The following ARHGEF33 variants were observed in gnomAD, a reference collection of about 807,000 sequenced individuals.
ARHGEF33 encodes the protein DH and coiled-coil domain-containing protein ENSP00000381780.
In ARHGEF33, 72 loss-of-function variants were observed where a neutral mutation model predicts 101.9. The observed-to-expected ratio is 0.71, with a 90% CI of 0.58 to 0.86. ARHGEF33 has a LOEUF of 0.86. Among genes scored for constraint, ARHGEF33 ranks in the 40% least tolerant of loss-of-function variants. ARHGEF33 has a pLI of 0.00. For synonymous variants in ARHGEF33, 499 were observed against 442.5 expected (o/e 1.13, Z -1.60); for missense variants, 1,169 against 1,111.3 (o/e 1.05, Z -0.74).
intron 17 of ARHGEF33, chr2:38,969,551 A>T (rs545591041): frequency 5.9e-6 from 1 of 169,368 alleles, no homozygotes; most frequent in South Asian, 2.0e-4. Context: ...ACAAGGATTC[A>T]AAAGGGAGAG....
chr2:38,954,376 G>T lies in ARHGEF33; in HGVS notation c.1141G>T (p.Asp381Tyr). ...LVHVVVLKEGDEEIKSDIYTL... is the reference protein window; with the variant it reads ...LVHVVVLKEGYEEIKSDIYTL... ...ACTTGACCTTTCTTTCATTCAGGGT[G>T]ATGAAGAGATTAAATCTGACATCTA... The change falls in exon 13 of 18, where the codon GAT (aspartate) becomes TAT (tyrosine). Residue 381 changes from aspartate to tyrosine, a missense_variant. Asp to Tyr is a radical substitution (Grantham distance 160). Coordinates refer to ENST00000409978, the MANE Select transcript of ARHGEF33 (RefSeq NM_001145451.5). 6.5e-7 allele frequency: 1 copy of T among 1,539,650 alleles called. No homozygotes were observed. Among genetic ancestry groups the T allele is most frequent in the South Asian group, 1.2e-5 (1 of 83,644 alleles).
chr2:38,920,669 A>G (rs1666736805), intron 3 of ARHGEF33, among the ~76,000 whole-genome samples: 1 of 151,950 alleles, frequency 6.6e-6, no homozygotes, highest in Admixed American at 6.6e-5. Flanking sequence ...TGGCCTCCCA[A>G]AGTGCTGGGA....
chr2:38,894,332 TA>T (rs35702370), intron 1 of ARHGEF33, among the ~76,000 whole-genome samples: 94 of 145,934 alleles, frequency 6.4e-4, no homozygotes, highest in South Asian at 3.7e-3. Context: ...AACCTGCCTT[TA>T]AAAAAAAAAA....
intron 7 of ARHGEF33, among the ~76,000 whole-genome samples, chr2:38,935,464 A>T (rs1316317602): frequency 1.3e-5 from 2 of 152,094 alleles, no homozygotes; most frequent in Non-Finnish European, 2.9e-5. Context: ...TTACCATCAT[A>T]CCACTGCCAC....
chr2:38,968,158 A>C (rs1668091812), intron 17 of ARHGEF33, among the ~76,000 whole-genome samples: 1 of 152,008 alleles, frequency 6.6e-6, no homozygotes, highest in South Asian at 2.1e-4. Flanking sequence ...TCCTCTCTGG[A>C]TTCAGAGGGC....
At chr2:38,961,917 C>G (rs1667952149) in intron 16 of ARHGEF33, among the ~76,000 whole-genome samples, 1 of 151,880 alleles carries the variant, frequency 6.6e-6, no homozygotes, top group Admixed American at 6.6e-5. Context: ...ATGGTGATGC[C>G]TTTTCTCTGG....
chr2:38,911,465 G>A (rs536317382), intron 2 of ARHGEF33, among the ~76,000 whole-genome samples: 25 of 152,288 alleles, frequency 1.6e-4, no homozygotes, highest in Admixed American at 4.6e-4. Context: ...GAAAGTAATA[G>A]ACAATCCTCA....
At chr2:38,955,188 G>T (rs967659606) in intron 13 of ARHGEF33, among the ~76,000 whole-genome samples, 27 of 152,276 alleles carry the variant, frequency 1.8e-4, no homozygotes, top group Middle Eastern at 6.8e-3. Flanking sequence ...ATTGGTCCAA[G>T]GTTCTACCAT....
chr2:38,930,352 T>G (rs1224620169), intron 6 of ARHGEF33, among the ~76,000 whole-genome samples: 3 of 151,870 alleles, frequency 2.0e-5, no homozygotes, highest in Non-Finnish European at 4.4e-5. Context: ...TTTCTTTCTT[T>G]TCTTTTTTTT....
rs1558449619 is a variant in ARHGEF33 at position 38,974,991 on chromosome 2, A to AAAAATTGGG, written c.*1149_*1157dup. On this transcript the variant is annotated 3_prime_UTR_variant, in exon 18 of 18. Transcript: ENST00000409978. ...CCAAACATCAGATTTATAATAGAAA[A>AAAAATTGGG]AAAATTGGGTTTAAACAATTTGTCT... 1 of 152,294 alleles carries AAAAATTGGG rather than the reference A, an allele frequency of 6.6e-6. No homozygotes were observed. Among genetic ancestry groups the AAAAATTGGG allele is most frequent in the Non-Finnish European group, 1.5e-5 (1 of 68,000 alleles). 9.4% of individuals were successfully genotyped at this position (152,294 alleles called of 1,614,324 possible).
At chr2:38,896,849 C>G (rs1289654782) in intron 2 of ARHGEF33, among the ~76,000 whole-genome samples, 2 of 152,150 alleles carry the variant, frequency 1.3e-5, no homozygotes, top group African/African-American at 2.4e-5. Flanking sequence ...TTCCTCTTTC[C>G]AAGCATAACC....
At position 38,960,585 on chromosome 2, in the gene ARHGEF33, C is replaced by A. The variant is rs748155962; in HGVS notation, c.2280C>A (p.Ser760=). The A allele has an allele frequency of 1.4e-6, 2 of 1,383,066 alleles. No homozygotes were observed. The highest frequency in any genetic ancestry group is 7.8e-5 in the East Asian group (2 of 25,682). The allele number at this position is 1,383,066 out of a possible 1,614,324, so 85.7% of individuals were successfully genotyped here. A position where few individuals can be genotyped will look rare whatever the true frequency, so the allele number is the denominator to read the frequency against. The change falls in exon 16 of 18, where the codon TCC becomes TCA. Residue 760 remains serine (S), a synonymous_variant. Coordinates refer to ENST00000409978, the MANE Select transcript of ARHGEF33 (RefSeq NM_001145451.5). The part of the protein sequence containing the change: ...AAAAVAARGA[S]RTFFPQQRSQ... ...CCGCCGTCGCCGCCCGCGGCGCATC[C>A]AGGACCTTCTTCCCCCAACAGAGGT...
At chr2:38,955,336 C>T (rs1667712640) in intron 13 of ARHGEF33, among the ~76,000 whole-genome samples, 1 of 152,182 alleles carries the variant, frequency 6.6e-6, no homozygotes, top group Non-Finnish European at 1.5e-5. Context: ...ACCAGACCCT[C>T]TTCTTCCCAC....
At chr2:38,899,581 G>A (rs917249546) in intron 2 of ARHGEF33, among the ~76,000 whole-genome samples, 9 of 152,056 alleles carry the variant, frequency 5.9e-5, no homozygotes, top group South Asian at 2.1e-4. Flanking sequence ...ATGGAGACGC[G>A]TTGGTCAAAG....
intron 3 of ARHGEF33, among the ~76,000 whole-genome samples, chr2:38,921,158 A>G (rs748024239): frequency 7.9e-5 from 12 of 152,182 alleles, no homozygotes; most frequent in Non-Finnish European, 1.3e-4. Flanking sequence ...TTTCTATTGC[A>G]AGAGTATATC....
intron 10 of ARHGEF33, among the ~76,000 whole-genome samples, chr2:38,946,004 A>G (rs888071780): frequency 3.3e-5 from 5 of 152,178 alleles, no homozygotes; most frequent in African/African-American, 9.7e-5. Context: ...ATTAACTGCA[A>G]TGTGTAAAGT....
intron 2 of ARHGEF33, among the ~76,000 whole-genome samples, chr2:38,899,741 CAGGT>C (rs1666201337): frequency 6.6e-6 from 1 of 152,230 alleles, no homozygotes; most frequent in South Asian, 2.1e-4. Flanking sequence ...TATAAGGTGA[CAGGT>C]AGGCTAATTA....
intron 1 of ARHGEF33, among the ~76,000 whole-genome samples, chr2:38,895,114 C>A (rs1666091379): frequency 6.6e-6 from 1 of 152,142 alleles, no homozygotes. Context: ...CTCCAGGCTT[C>A]GTGTCCCTGA....
intron 16 of ARHGEF33, 109 bp downstream of exon 16, chr2:38,960,757 T>G: frequency 1.1e-6 from 1 of 919,780 alleles, no homozygotes; most frequent in Non-Finnish European, 1.4e-6. Flanking sequence ...CGGGCCAGGC[T>G]AGGGGGCGGC....
Sources: allele counts gnomAD v4.1 joint callset (sites outside exome capture counted in the v4.1 genomes callset), GRCh38; gene constraint gnomAD v4.1.1; transcripts MANE v1.5; gene names NCBI Gene and HGNC (gene_info 2026-07-23, HGNC 2026-07-21).